Variants in QTGAL observed in about 807,000 individuals in gnomAD.
QTGAL encodes BGnT-like protein 1.
At chr17:82,951,605 G>A in the QTGAL span, among the ~76,000 whole-genome samples, 4 of 152,118 alleles carry the variant, frequency 2.6e-5, no homozygotes, top group Non-Finnish European at 5.9e-5. Context: ...TAACCGTTAG[G>A]CTGAAAGCTG....
the QTGAL span, among the ~76,000 whole-genome samples, chr17:83,018,001 G>A: frequency 8.4e-6 from 1 of 118,448 alleles, no homozygotes; most frequent in African/African-American, 3.3e-5. Context: ...CGTGCTCCGT[G>A]AACACCGTGC....
the QTGAL span, among the ~76,000 whole-genome samples, chr17:83,010,525 C>G: frequency 6.6e-6 from 1 of 152,230 alleles, no homozygotes; most frequent in Non-Finnish European, 1.5e-5. Context: ...ACACACCGGT[C>G]TGGGCATGGG....
the QTGAL span, among the ~76,000 whole-genome samples, chr17:83,024,568 G>C: frequency 4.0e-5 from 6 of 151,876 alleles, no homozygotes; most frequent in Non-Finnish European, 8.8e-5. Context: ...CGGGCTCTCT[G>C]TGCGGAGGGA....
chr17:82,964,432 A>T, the QTGAL span, among the ~76,000 whole-genome samples: 1 of 152,228 alleles, frequency 6.6e-6, no homozygotes, highest in African/African-American at 2.4e-5. Flanking sequence ...AATCTAACCA[A>T]CATAGAATTG....
the QTGAL span, among the ~76,000 whole-genome samples, chr17:83,018,857 G>A: frequency 6.6e-6 from 1 of 152,216 alleles, no homozygotes; most frequent in Non-Finnish European, 1.5e-5. Flanking sequence ...AGGCCGCACT[G>A]ACTCCAAATG....
the QTGAL span, among the ~76,000 whole-genome samples, chr17:82,970,614 C>A: frequency 7.0e-6 from 1 of 142,680 alleles, no homozygotes; most frequent in Admixed American, 6.9e-5. Context: ...GCCGCGACCT[C>A]CCCACCCGGC....
chr17:82,992,390 T>C, the QTGAL span, among the ~76,000 whole-genome samples: 4 of 152,308 alleles, frequency 2.6e-5, no homozygotes, highest in African/African-American at 7.2e-5. Flanking sequence ...CAGTCTTTCA[T>C]GCCTAGGAGA....
At chr17:82,968,076 C>A in the QTGAL span, among the ~76,000 whole-genome samples, 1 of 152,222 alleles carries the variant, frequency 6.6e-6, no homozygotes, top group South Asian at 2.1e-4. Context: ...CACAGACTTC[C>A]ACGCAGCCAG....
chr17:82,985,222 A>C, the QTGAL span, among the ~76,000 whole-genome samples: 1 of 152,264 alleles, frequency 6.6e-6, no homozygotes, highest in African/African-American at 2.4e-5. Context: ...TGTGGTGACT[A>C]TCCCATCAGG....
the QTGAL span, among the ~76,000 whole-genome samples, chr17:83,043,765 G>A: frequency 4.6e-5 from 7 of 152,120 alleles, no homozygotes; most frequent in African/African-American, 1.7e-4. Flanking sequence ...CAGCTAGACT[G>A]AGAAAGAAGG....
chr17:83,028,771 G>C, the QTGAL span, among the ~76,000 whole-genome samples: 1 of 152,022 alleles, frequency 6.6e-6, no homozygotes, highest in Non-Finnish European at 1.5e-5. Context: ...TCCACCCCTA[G>C]GTACTTCCCA....
chr17:82,965,238 CCAT>C, the QTGAL span, among the ~76,000 whole-genome samples: 15 of 151,480 alleles, frequency 9.9e-5, no homozygotes, highest in South Asian at 2.1e-4. Flanking sequence ...AGGTGCACCC[CCAT>C]GGGGGGGACG....
chr17:83,004,605 G>T, the QTGAL span, among the ~76,000 whole-genome samples: 1 of 140,266 alleles, frequency 7.1e-6, no homozygotes, highest in Non-Finnish European at 1.5e-5. Flanking sequence ...TCCGCATGTG[G>T]GATTCCTGAG....
chr17:82,980,439 C>T, the QTGAL span, among the ~76,000 whole-genome samples: 11 of 152,258 alleles, frequency 7.2e-5, no homozygotes, highest in African/African-American at 2.4e-4. Flanking sequence ...CAGACCCCCC[C>T]AGGTGAGGGC....
At chr17:82,942,354 G>T in the QTGAL span, 1 of 1,566,720 alleles carries the variant, frequency 6.4e-7, no homozygotes, top group African/African-American at 1.4e-5. Context: ...AACCGTGTCA[G>T]TCCCCACACA....
the QTGAL span, among the ~76,000 whole-genome samples, chr17:82,966,693 G>A: frequency 6.6e-6 from 1 of 152,172 alleles, no homozygotes; most frequent in African/African-American, 2.4e-5. Flanking sequence ...CCCAGCCTCA[G>A]ACCGGACCTC....
the QTGAL span, among the ~76,000 whole-genome samples, chr17:82,994,458 C>A: frequency 1.3e-5 from 2 of 151,838 alleles, no homozygotes; most frequent in Admixed American, 1.3e-4. Context: ...GAAAAAAAAT[C>A]AAAATTCCTA....
the QTGAL span, among the ~76,000 whole-genome samples, chr17:83,029,892 C>G: frequency 1.3e-5 from 2 of 152,176 alleles, no homozygotes; most frequent in Non-Finnish European, 2.9e-5. Context: ...CTTGCTGACG[C>G]GCCCGTTGCT....
chr17:82,970,514 T>TCCTCCGCACCCAGCGTGGCCATGA, the QTGAL span, among the ~76,000 whole-genome samples: 4 of 56,660 alleles, frequency 7.1e-5, no homozygotes, highest in African/African-American at 1.9e-4. Context: ...CAAACACAGG[T>TCCTCCGCACCCAGCGTGGCCATGA]CCTCCCCACC....
Sources: allele counts gnomAD v4.1 joint callset (sites outside exome capture counted in the v4.1 genomes callset), GRCh38; gene constraint gnomAD v4.1.1; transcripts MANE v1.5; gene names NCBI Gene and HGNC (gene_info 2026-07-23, HGNC 2026-07-21).